The following PCSK6 variants were observed in gnomAD, a reference collection of about 807,000 sequenced individuals.
PCSK6 encodes proprotein convertase subtilisin/kexin type 6, also known as paired basic amino acid cleaving enzyme 4.
A neutral mutation model predicts 123.3 loss-of-function variants in PCSK6; 85 were observed. The observed-to-expected ratio is 0.69, with a 90% CI of 0.58 to 0.83. The LOEUF (loss-of-function observed/expected upper bound fraction) is 0.83, where lower values mean the gene tolerates loss of function less well. PCSK6 is among the 40% of genes least tolerant of loss of function. The probability of loss-of-function intolerance (pLI) is 0.00; values close to 1 mark genes in which losing one functional copy is unlikely to be tolerated. For synonymous variants in PCSK6, 508 were observed against 516.0 expected, an observed-to-expected ratio of 0.98 and a Z score of 0.21; for missense variants, 1,191 against 1,282.3, an observed-to-expected ratio of 0.93 and a Z score of 1.09.
chr15:101,451,924 T>A (rs983751690), intron 1 of PCSK6, among the ~76,000 whole-genome samples: 3 of 152,226 alleles, frequency 2.0e-5, no homozygotes, highest in Non-Finnish European at 4.4e-5. Flanking sequence ...CTGGATTACC[T>A]GGTATTTATA....
At chr15:101,401,651 C>T (rs1002307987) in intron 6 of PCSK6, among the ~76,000 whole-genome samples, 6 of 152,290 alleles carry the variant, frequency 3.9e-5, no homozygotes, top group African/African-American at 7.2e-5. Flanking sequence ...CAGTCTTCTG[C>T]ACACTGCAAT....
intron 1 of PCSK6, among the ~76,000 whole-genome samples, chr15:101,449,842 A>G (rs531340659): frequency 3.9e-5 from 6 of 152,162 alleles, no homozygotes; most frequent in Admixed American, 3.3e-4. Flanking sequence ...TTCCAGGCTC[A>G]GCTCAGCATC....
At chr15:101,328,050 G>A (rs2040297918) in intron 15 of PCSK6, among the ~76,000 whole-genome samples, 2 of 152,186 alleles carry the variant, frequency 1.3e-5, no homozygotes, top group Admixed American at 6.5e-5. Flanking sequence ...ACCTCATCCT[G>A]GGTCATCTAT....
chr15:101,470,665 C>T (rs191937699), intron 1 of PCSK6, among the ~76,000 whole-genome samples: 1 of 152,310 alleles, frequency 6.6e-6, no homozygotes, highest in East Asian at 1.9e-4. Context: ...TTCTTCTCTT[C>T]TCTCCCCACC....
chr15:101,335,368 C>CA (rs140642851), intron 13 of PCSK6, among the ~76,000 whole-genome samples: 4,003 of 152,208 alleles, frequency 0.026, 161 homozygotes, highest in African/African-American at 0.088. Context: ...GTTGTATGGT[C>CA]AAAAAACCCC....
At chr15:101,382,018 A>T (rs2041921420) in intron 11 of PCSK6, 74 bp downstream of exon 11, 2 of 986,180 alleles carry the variant, frequency 2.0e-6, no homozygotes, top group African/African-American at 3.2e-5. Flanking sequence ...CACCTCCCCC[A>T]GCCACACCTT....
intron 13 of PCSK6, among the ~76,000 whole-genome samples, chr15:101,350,433 T>C (rs2040860123): frequency 6.6e-6 from 1 of 152,252 alleles, no homozygotes; most frequent in Admixed American, 6.5e-5. Flanking sequence ...TAAAGGTGTC[T>C]GCCTGTGTAT....
chr15:101,364,689 G>A (rs1240726551), intron 13 of PCSK6, among the ~76,000 whole-genome samples: 1 of 152,154 alleles, frequency 6.6e-6, no homozygotes, highest in Non-Finnish European at 1.5e-5. Context: ...ACTATCCCAA[G>A]TTTATGGACT....
intron 13 of PCSK6, among the ~76,000 whole-genome samples, chr15:101,335,100 C>T (rs576206676): frequency 1.3e-5 from 2 of 152,290 alleles, no homozygotes; most frequent in African/African-American, 4.8e-5. Context: ...GCTAGGACTA[C>T]AGGTGTGCAC....
At position 101,313,487 on chromosome 15, in the gene PCSK6, C is replaced by T. The variant is rs2039916813; in HGVS notation, c.2588G>A (p.Cys863Tyr). ...GTCVGPGREE[C>Y]IHCAKNFHFH... ...GTGGAAGTTTTTCGCACAGTGAATG[C>T]ACTCTTCTCTGCCTGGCCCTGAGAG... The change falls in exon 20 of 22, where the codon TGC becomes TAC. Residue 863 changes from cysteine to tyrosine, a missense_variant. Coordinates refer to ENST00000611716, the MANE Select transcript of PCSK6 (RefSeq NM_002570.5). 1 of 1,605,798 alleles carries T rather than the reference C, an allele frequency of 6.2e-7. No individual in the cohort carries two copies. The highest frequency in any genetic ancestry group is 8.5e-7 in the Non-Finnish European group (1 of 1,178,522).
chr15:101,306,601 C>G (rs771689950), intron 21 of PCSK6, among the ~76,000 whole-genome samples: 13 of 152,314 alleles, frequency 8.5e-5, no homozygotes, highest in Middle Eastern at 3.4e-3. Flanking sequence ...CCTCCAGGCC[C>G]GAGTCCTGCC....
intron 4 of PCSK6, among the ~76,000 whole-genome samples, chr15:101,430,531 A>T (rs752007742): frequency 2.0e-5 from 3 of 152,254 alleles, no homozygotes; most frequent in African/African-American, 7.2e-5. Context: ...CACGTGGGTC[A>T]GGATTTCCTT....
At chr15:101,439,544 C>G (rs2056699514) in intron 2 of PCSK6, among the ~76,000 whole-genome samples, 1 of 152,208 alleles carries the variant, frequency 6.6e-6, no homozygotes, top group African/African-American at 2.4e-5. Context: ...TGGCCCTGCC[C>G]TCAGCCCATG....
intron 13 of PCSK6, chr15:101,336,981 G>A (rs1386171746): frequency 6.6e-6 from 1 of 151,976 alleles, no homozygotes; most frequent in African/African-American, 2.4e-5. Context: ...TTAGACAATG[G>A]TAATCTGGGA....
In PCSK6 at chr15:101,305,456, C is replaced by T; in HGVS notation, c.2813-101G>A. On this transcript the variant is annotated intron_variant, in intron 21 of 21. Coordinates refer to ENST00000611716, the MANE Select transcript of PCSK6 (RefSeq NM_002570.5). The surrounding 1 kb of genome is among the most constrained non-coding windows in gnomAD (Gnocchi z 4.8). ...GGCGCGGTGCCTCATGCCTGTAATC[C>T]CAGCACTTTGGGAGGCCGAGGTGGG... The T allele has an allele frequency of 1.0e-6, 1 of 963,678 alleles. No homozygotes were observed. The highest frequency in any genetic ancestry group is 2.7e-5 in the East Asian group (1 of 37,716). 59.7% of individuals were successfully genotyped at this position (963,678 alleles called of 1,614,324 possible).
At chr15:101,382,054 G>A (rs765700665) in intron 11 of PCSK6, 38 bp downstream of exon 11, 18 of 1,427,052 alleles carry the variant, frequency 1.3e-5, no homozygotes, top group South Asian at 9.8e-5. Flanking sequence ...CCAAACCCAC[G>A]TGCCTGAGAA....
chr15:101,355,148 A>C (rs2041003028), intron 13 of PCSK6, among the ~76,000 whole-genome samples: 1 of 152,254 alleles, frequency 6.6e-6, no homozygotes, highest in Non-Finnish European at 1.5e-5. Context: ...AAACAGATGA[A>C]AGATCAGAGA....
At chr15:101,397,782 C>A (rs1479192200) in intron 7 of PCSK6, among the ~76,000 whole-genome samples, 1 of 152,254 alleles carries the variant, frequency 6.6e-6, no homozygotes, top group African/African-American at 2.4e-5. Context: ...GATCCGGAAC[C>A]AAAGACCACA....
At chr15:101,420,161 A>T (rs555341731) in intron 6 of PCSK6, among the ~76,000 whole-genome samples, 1 of 144,086 alleles carries the variant, frequency 6.9e-6, no homozygotes, top group Non-Finnish European at 1.5e-5. Flanking sequence ...ACTGCACTCC[A>T]GCCTGGGTGA....
Sources: allele counts gnomAD v4.1 joint callset (sites outside exome capture counted in the v4.1 genomes callset), GRCh38; gene constraint gnomAD v4.1.1; non-coding constraint Gnocchi (gnomAD v3.1); transcripts MANE v1.5; gene names NCBI Gene and HGNC (gene_info 2026-07-23, HGNC 2026-07-21).